Variants in UNC5C observed in about 807,000 individuals in gnomAD.
The protein encoded by UNC5C is netrin receptor UNC5C.
A neutral mutation model predicts 99.8 loss-of-function variants in UNC5C; 47 were observed. The observed-to-expected ratio is 0.47, with a 90% CI of 0.37 to 0.60. The LOEUF is 0.60. Ranked by LOEUF, UNC5C falls within the 20% of genes least tolerant of loss-of-function variation. The pLI is 0.00. For missense variants in UNC5C, 1,062 were observed against 1,165.9 expected, an observed-to-expected ratio of 0.91 and a Z score of 1.30; for synonymous variants, 487 against 452.2, an observed-to-expected ratio of 1.08 and a Z score of -0.98.
intron 1 of UNC5C, among the ~76,000 whole-genome samples, chr4:95,510,621 T>C (rs1246839808): frequency 1.3e-5 from 2 of 152,110 alleles, no homozygotes; most frequent in African/African-American, 4.8e-5. Context: ...CAGAATTTAT[T>C]ATCTTTAAAT....
At chr4:95,224,653 C>G (rs867266916) in intron 7 of UNC5C, among the ~76,000 whole-genome samples, 1 of 152,020 alleles carries the variant, frequency 6.6e-6, no homozygotes, top group South Asian at 2.1e-4. Context: ...AGCAAATACT[C>G]TTGAACCTTA....
chr4:95,411,599 T>C (rs1336630186), intron 1 of UNC5C, among the ~76,000 whole-genome samples: 3 of 152,226 alleles, frequency 2.0e-5, no homozygotes, highest in South Asian at 2.1e-4. Flanking sequence ...ACAGGAAAAG[T>C]GCATGTATTT....
chr4:95,280,557 C>T (rs575440732), intron 3 of UNC5C, among the ~76,000 whole-genome samples: 3 of 152,018 alleles, frequency 2.0e-5, no homozygotes, highest in South Asian at 2.1e-4. Flanking sequence ...GGCATGGTGG[C>T]GTGGGCCTGT....
intron 14 of UNC5C, among the ~76,000 whole-genome samples, chr4:95,177,683 T>C (rs1736425004): frequency 1.3e-5 from 2 of 152,156 alleles, no homozygotes; most frequent in East Asian, 3.9e-4. Flanking sequence ...TACATATATA[T>C]ATGTATTTAG....
At chr4:95,303,244 A>G (rs1319643650) in intron 2 of UNC5C, among the ~76,000 whole-genome samples, 1 of 152,220 alleles carries the variant, frequency 6.6e-6, no homozygotes, top group Non-Finnish European at 1.5e-5. Flanking sequence ...CTGCAAATGC[A>G]CATTCTCAGG....
chr4:95,173,450 AG>A (rs1233485644), intron 14 of UNC5C, among the ~76,000 whole-genome samples: 1 of 150,058 alleles, frequency 6.7e-6, no homozygotes, highest in Non-Finnish European at 1.5e-5. Flanking sequence ...TTCAGCATGA[AG>A]GGTTGTTGAA....
chr4:95,197,092 A>T (rs1462366617), intron 12 of UNC5C, among the ~76,000 whole-genome samples: 13 of 116,034 alleles, frequency 1.1e-4, no homozygotes, highest in South Asian at 5.1e-4. Flanking sequence ...TGTAATATAT[A>T]ATATTTATAT....
chr4:95,396,531 G>A (rs148224052), intron 1 of UNC5C, among the ~76,000 whole-genome samples: 2 of 152,116 alleles, frequency 1.3e-5, no homozygotes, highest in African/African-American at 4.8e-5. Context: ...GCTTGAACCC[G>A]ACCTTCAAGC....
intron 12 of UNC5C, among the ~76,000 whole-genome samples, chr4:95,194,578 G>C (rs533527806): frequency 1.3e-5 from 2 of 152,182 alleles, no homozygotes; most frequent in East Asian, 3.9e-4. Flanking sequence ...CCCTTCCGCT[G>C]TCTTCAAATC....
chr4:95,450,057 C>T (rs946276699), intron 1 of UNC5C, among the ~76,000 whole-genome samples: 1 of 152,164 alleles, frequency 6.6e-6, no homozygotes, highest in Non-Finnish European at 1.5e-5. Flanking sequence ...AGCAACTCAC[C>T]AAGGAGAATT....
intron 14 of UNC5C, among the ~76,000 whole-genome samples, chr4:95,176,921 C>T (rs1034454220): frequency 3.3e-5 from 5 of 149,850 alleles, no homozygotes; most frequent in African/African-American, 1.2e-4. Flanking sequence ...CCCTCCGAGC[C>T]AGGTGCGGGA....
chr4:95,297,446 G>C (rs1741703990), intron 3 of UNC5C, among the ~76,000 whole-genome samples: 1 of 152,168 alleles, frequency 6.6e-6, no homozygotes, highest in Non-Finnish European at 1.5e-5. Context: ...CAAGAAAATT[G>C]TTAAACATCT....
chr4:95,397,027 AG>A (rs1745533049), intron 1 of UNC5C, among the ~76,000 whole-genome samples: 1 of 152,124 alleles, frequency 6.6e-6, no homozygotes, highest in African/African-American at 2.4e-5. Context: ...GGGTCGAGGA[AG>A]CCAGGAGGCT....
intron 14 of UNC5C, among the ~76,000 whole-genome samples, chr4:95,181,606 G>GAGAT (rs1216105845): frequency 2.0e-5 from 3 of 152,300 alleles, no homozygotes; most frequent in South Asian, 4.1e-4. Context: ...GTGTGCCTGG[G>GAGAT]AGATAGGGCT....
chr4:95,486,506 T>G (rs1251890683), intron 1 of UNC5C, among the ~76,000 whole-genome samples: 1 of 151,670 alleles, frequency 6.6e-6, no homozygotes, highest in African/African-American at 2.4e-5. Flanking sequence ...TTCCCAAGTA[T>G]ATGGTGTCCA....
intron 14 of UNC5C, among the ~76,000 whole-genome samples, chr4:95,180,332 C>T (rs1736563342): frequency 1.3e-5 from 2 of 152,172 alleles, no homozygotes; most frequent in Admixed American, 6.5e-5. Context: ...TGTGAAAAAA[C>T]TGTAAATTTA....
intron 12 of UNC5C, among the ~76,000 whole-genome samples, chr4:95,201,368 C>T (rs1737648152): frequency 6.6e-6 from 1 of 152,148 alleles, no homozygotes; most frequent in South Asian, 2.1e-4. Context: ...TCTCACTCCC[C>T]TGTCATCATT....
At chr4:95,460,171 T>G (rs540553230) in intron 1 of UNC5C, among the ~76,000 whole-genome samples, 41 of 150,238 alleles carry the variant, frequency 2.7e-4, no homozygotes, top group African/African-American at 7.3e-4. Context: ...TATGCTCTTG[T>G]TGGTGGATGG....
chr4:95,349,827 C>T (rs951322920), intron 1 of UNC5C, among the ~76,000 whole-genome samples: 4 of 152,068 alleles, frequency 2.6e-5, no homozygotes, highest in South Asian at 4.1e-4. Flanking sequence ...AATGCCCTAA[C>T]GTCCTCATGT....
Sources: allele counts gnomAD v4.1 joint callset (sites outside exome capture counted in the v4.1 genomes callset), GRCh38; gene constraint gnomAD v4.1.1; transcripts MANE v1.5; gene names NCBI Gene and HGNC (gene_info 2026-07-23, HGNC 2026-07-21).